Variants in ANKS1B observed in about 807,000 individuals in gnomAD.
ANKS1B encodes the protein ankyrin repeat and sterile alpha motif domain-containing protein 1B.
ANKS1B carries 36 observed loss-of-function variants against 148.3 expected under a neutral mutation model. That is an observed-to-expected ratio of 0.24 (90% CI 0.19 to 0.32). ANKS1B has a LOEUF of 0.32. Among genes scored for constraint, ANKS1B ranks in the 10% least tolerant of loss-of-function variants. The probability of loss-of-function intolerance (pLI) is 1.00; values close to 1 mark genes in which losing one functional copy is unlikely to be tolerated. For synonymous variants in ANKS1B, 542 were observed against 560.8 expected, an observed-to-expected ratio of 0.97 and a Z score of 0.47; for missense variants, 1,157 against 1,542.6, an observed-to-expected ratio of 0.75 and a Z score of 4.19.
chr12:98,832,310 AG>A (rs1402840125), intron 17 of ANKS1B, among the ~76,000 whole-genome samples, 174 bp from the exon 18 acceptor site: 1 of 152,308 alleles, frequency 6.6e-6, no homozygotes, highest in East Asian at 1.9e-4. Flanking sequence ...GCATCTGGAA[AG>A]CCTGGAGTGG....
At chr12:98,913,995 C>T (rs2099790526) in intron 17 of ANKS1B, among the ~76,000 whole-genome samples, 1 of 152,152 alleles carries the variant, frequency 6.6e-6, no homozygotes, top group Non-Finnish European at 1.5e-5. Context: ...AATCCATGGG[C>T]TTATCTCTCA....
At chr12:99,096,417 C>T (rs1205239608) in intron 15 of ANKS1B, among the ~76,000 whole-genome samples, 2 of 151,868 alleles carry the variant, frequency 1.3e-5, no homozygotes, top group South Asian at 2.1e-4. Context: ...TTGGCTTTTT[C>T]GAGTTTAAAA....
intron 1 of ANKS1B, among the ~76,000 whole-genome samples, chr12:99,893,730 A>G (rs954250786): frequency 6.6e-6 from 1 of 152,214 alleles, no homozygotes; most frequent in African/African-American, 2.4e-5. Context: ...ATAAGCGAGA[A>G]CATGTGTTAT....
intron 10 of ANKS1B, among the ~76,000 whole-genome samples, chr12:99,475,457 A>G (rs1171889152): frequency 6.6e-6 from 1 of 151,786 alleles, no homozygotes; most frequent in African/African-American, 2.4e-5. Context: ...AACTACTAAG[A>G]AATTCATAGA....
At chr12:99,289,961 A>C (rs57246040) in intron 12 of ANKS1B, among the ~76,000 whole-genome samples, 14,793 of 151,844 alleles carry the variant, frequency 0.097, 1,731 homozygotes, top group African/African-American at 0.28. Context: ...GAAAAGAATA[A>C]TACAAAACGT....
intron 17 of ANKS1B, among the ~76,000 whole-genome samples, chr12:98,852,408 C>A (rs933475055): frequency 6.6e-5 from 10 of 151,888 alleles, no homozygotes; most frequent in African/African-American, 2.4e-4. Context: ...GGAAATTAGG[C>A]TTGGGAAGAT....
At chr12:99,309,921 A>C (rs2082908840) in intron 12 of ANKS1B, among the ~76,000 whole-genome samples, 1 of 152,162 alleles carries the variant, frequency 6.6e-6, no homozygotes, top group African/African-American at 2.4e-5. Flanking sequence ...ACGAGTTTGG[A>C]GTGAAGTGGC....
At chr12:99,186,999 T>A (rs1430174827) in intron 14 of ANKS1B, among the ~76,000 whole-genome samples, 1 of 151,770 alleles carries the variant, frequency 6.6e-6, no homozygotes, top group African/African-American at 2.4e-5. Flanking sequence ...ATAAACGACC[T>A]GATGGAGCTG....
chr12:99,367,629 T>C (rs1475941594), intron 12 of ANKS1B, among the ~76,000 whole-genome samples: 1 of 152,114 alleles, frequency 6.6e-6, no homozygotes, highest in Non-Finnish European at 1.5e-5. Flanking sequence ...TTTCCATCAA[T>C]AGCAATAATG....
intron 15 of ANKS1B, among the ~76,000 whole-genome samples, chr12:99,092,394 C>T (rs565759844): frequency 3.4e-5 from 5 of 147,882 alleles, no homozygotes; most frequent in South Asian, 2.2e-4. Flanking sequence ...TGAAGAAGAA[C>T]GTGCCAGAAG....
At chr12:99,374,451 G>A (rs947811093) in intron 12 of ANKS1B, among the ~76,000 whole-genome samples, 8 of 152,258 alleles carry the variant, frequency 5.3e-5, no homozygotes, top group Admixed American at 3.9e-4. Context: ...AGTGTACCCC[G>A]TGAAGGGACA....
At chr12:99,119,041 T>A (rs1036398246) in intron 15 of ANKS1B, among the ~76,000 whole-genome samples, 23 of 152,212 alleles carry the variant, frequency 1.5e-4, no homozygotes, top group African/African-American at 5.5e-4. Flanking sequence ...AGGTATCAGA[T>A]CCTAATCCCT....
At chr12:98,840,868 T>C (rs1300231870) in intron 17 of ANKS1B, among the ~76,000 whole-genome samples, 1 of 152,188 alleles carries the variant, frequency 6.6e-6, no homozygotes, top group Non-Finnish European at 1.5e-5. Flanking sequence ...TTGGTTTACA[T>C]TGCTCAATAA....
intron 9 of ANKS1B, among the ~76,000 whole-genome samples, chr12:99,637,281 G>A (rs1168031935): frequency 2.6e-5 from 4 of 152,102 alleles, no homozygotes; most frequent in Non-Finnish European, 2.9e-5. Context: ...CTCCAGCTTG[G>A]GCAGCAAAGT....
At chr12:99,674,931 T>C (rs1454653304) in intron 8 of ANKS1B, among the ~76,000 whole-genome samples, 5 of 151,830 alleles carry the variant, frequency 3.3e-5, no homozygotes, top group Admixed American at 6.6e-5. Flanking sequence ...AATAGCACGG[T>C]AAATGAAAAG....
At chr12:98,837,637 G>A (rs1270281677) in intron 17 of ANKS1B, among the ~76,000 whole-genome samples, 1 of 152,114 alleles carries the variant, frequency 6.6e-6, no homozygotes, top group East Asian at 1.9e-4. Context: ...ATGTTTCTGG[G>A]TTTGGCTGTG....
At chr12:99,166,038 C>G (rs146756834) in intron 14 of ANKS1B, among the ~76,000 whole-genome samples, 2 of 151,580 alleles carry the variant, frequency 1.3e-5, no homozygotes, top group Non-Finnish European at 3.0e-5. Flanking sequence ...TAATCCTCTC[C>G]GCAGATGCAA....
At chr12:99,088,838 GTTTTTTTTTT>G (rs386377539) in intron 15 of ANKS1B, among the ~76,000 whole-genome samples, 31 of 69,852 alleles carry the variant, frequency 4.4e-4, no homozygotes, top group African/African-American at 1.8e-3. Flanking sequence ...TTTAACTTCT[GTTTTTTTTTT>G]TTTTTTTTTT....
At chr12:99,564,040 C>T (rs368306318) in intron 9 of ANKS1B, among the ~76,000 whole-genome samples, 4 of 152,096 alleles carry the variant, frequency 2.6e-5, no homozygotes, top group East Asian at 1.9e-4. Context: ...CTTATTCACT[C>T]GGTTCTCTAG....
Sources: allele counts gnomAD v4.1 joint callset (sites outside exome capture counted in the v4.1 genomes callset), GRCh38; gene constraint gnomAD v4.1.1; transcripts MANE v1.5; gene names NCBI Gene and HGNC (gene_info 2026-07-23, HGNC 2026-07-21).